The following TSPEAR variants were observed in gnomAD, a reference collection of about 807,000 sequenced individuals.
TSPEAR encodes thrombospondin type laminin G domain and EAR repeats, also known as thrombospondin-type laminin G domain and EAR repeat-containing protein.
A neutral mutation model predicts 71.6 loss-of-function variants in TSPEAR; 69 were observed. The ratio of observed to expected loss-of-function variants is 0.96; its 90% CI spans 0.79 to 1.18. The LOEUF (loss-of-function observed/expected upper bound fraction) is 1.18, where lower values mean the gene tolerates loss of function less well. Among genes scored for constraint, TSPEAR ranks in the 50% most tolerant of loss-of-function variants. The pLI is 0.00. For synonymous variants in TSPEAR, 402 were observed against 387.2 expected (o/e 1.04, Z -0.45); for missense variants, 971 against 894.9 (o/e 1.09, Z -1.09).
intron 2 of TSPEAR, among the ~76,000 whole-genome samples, chr21:44,564,715 A>T (rs1052528641): frequency 6.6e-6 from 1 of 152,182 alleles, no homozygotes; most frequent in African/African-American, 2.4e-5. Flanking sequence ...ATTTCAACAA[A>T]CGGATAGAAT....
At chr21:44,606,596 C>A (rs587698366) in intron 1 of TSPEAR, among the ~76,000 whole-genome samples, 1 of 152,252 alleles carries the variant, frequency 6.6e-6, no homozygotes, top group South Asian at 2.1e-4. Flanking sequence ...GTCTTATTCA[C>A]AATAGCCTAG....
intron 8 of TSPEAR, among the ~76,000 whole-genome samples, chr21:44,524,300 C>T (rs2052801668): frequency 6.6e-6 from 1 of 151,848 alleles, no homozygotes; most frequent in African/African-American, 2.4e-5. Context: ...ATCATTCAGT[C>T]AGTCAGACAG....
intron 9 of TSPEAR, among the ~76,000 whole-genome samples, chr21:44,513,443 GC>G (rs1391670156): frequency 6.6e-6 from 1 of 152,214 alleles, no homozygotes; most frequent in Non-Finnish European, 1.5e-5. Context: ...CACATCAAAG[GC>G]CCTGCCAAAC....
intron 2 of TSPEAR, chr21:44,539,017 G>A (rs1218777341): frequency 5.3e-6 from 3 of 569,888 alleles, no homozygotes; most frequent in Non-Finnish European, 9.3e-6. Context: ...GGAGCAGGAG[G>A]AGGTGCTGAG....
rs1186423808 is a variant in TSPEAR at position 44,687,282 on chromosome 21, C to T, written c.82+24151G>A. On this transcript the variant is annotated intron_variant, in intron 1 of 11. Transcript: ENST00000323084. This position sits in a 1 kb window ranked among gnomAD's most constrained non-coding sequence, Gnocchi z 4.4. ...CTGAAAGCCAGGGCTCCCAGTGACA[C>T]ACTGGGCGCCTGGTGATTACTCAGC... Among the ~76,000 whole-genome samples, 2 of 152,160 alleles carry T rather than the reference C, an allele frequency of 1.3e-5. No individual in the cohort carries two copies. Among genetic ancestry groups the T allele is most frequent in the Non-Finnish European group, 1.5e-5 (1 of 68,022 alleles).
intron 1 of TSPEAR, chr21:44,591,369 G>C (rs150717437): frequency 4.4e-6 from 7 of 1,583,866 alleles, no homozygotes; most frequent in Non-Finnish European, 6.0e-6. Context: ...AAGGGACTCC[G>C]GATCACATCC....
At position 44,522,110 on chromosome 21, in the gene TSPEAR, C is replaced by T. The variant is rs949831951; in HGVS notation, c.1339G>A (p.Asp447Asn). The change falls in exon 9 of 12, where the codon GAC (aspartate) becomes AAC (asparagine). Residue 447 changes from aspartate (D) to asparagine (N), a missense_variant and splice_region_variant. Asp to Asn is a conservative substitution (Grantham distance 23, BLOSUM62 1). Transcript: ENST00000323084. ...FLAVANHREGDNHNIDSVIYK... is the reference protein window; with the variant it reads ...FLAVANHREGNNHNIDSVIYK... ...ATGACACTGTCGATGTTGTGGTTGT[C>T]GCCTGGAACCAAGGGACTGTGCTGG... 1.2e-5 allele frequency: 19 copies of T among 1,613,762 alleles called. No homozygotes were observed. Among genetic ancestry groups the T allele is most frequent in the African/African-American group, 2.7e-5 (2 of 74,896 alleles).
rs1555933885 is a variant in TSPEAR, at chr21:44,623,688, GA to G, written c.83-55684del. Among the ~76,000 whole-genome samples, 2 of 152,198 alleles carry G rather than the reference GA, an allele frequency of 1.3e-5. No individual in the cohort carries two copies. Among genetic ancestry groups the G allele is most frequent in the Non-Finnish European group, 2.9e-5 (2 of 68,030 alleles). On this transcript the variant is annotated intron_variant, in intron 1 of 11. Coordinates refer to ENST00000323084, the MANE Select transcript of TSPEAR (RefSeq NM_144991.3). This position sits in a 1 kb window ranked among gnomAD's most constrained non-coding sequence, Gnocchi z 4.5. ...TTTGAGGATCTTCTTCCCAGGTGTA[GA>G]ATTCTAGCTTGGTGCTTCTTTTCTT...
At chr21:44,601,148 C>T in intron 1 of TSPEAR, 1 of 1,603,480 alleles carries the variant, frequency 6.2e-7, no homozygotes, top group Non-Finnish European at 8.5e-7. Context: ...TGCCAGCAGT[C>T]TAGCTGTGTG....
At chr21:44,613,402 C>T (rs1157978323) in intron 1 of TSPEAR, among the ~76,000 whole-genome samples, 15 of 152,294 alleles carry the variant, frequency 9.8e-5, no homozygotes, top group Non-Finnish European at 1.3e-4. Context: ...CCCCTGTGAC[C>T]GGGTCTTCCT....
At chr21:44,649,301 G>C (rs587648214) in intron 1 of TSPEAR, among the ~76,000 whole-genome samples, 1 of 152,160 alleles carries the variant, frequency 6.6e-6, no homozygotes, top group Non-Finnish European at 1.5e-5. Context: ...GATGAGCAGC[G>C]GTCTGTGGAG....
intron 7 of TSPEAR, 126 bp from the exon 8 acceptor site, chr21:44,525,965 A>C (rs2052847547): frequency 3.3e-6 from 3 of 914,836 alleles, no homozygotes; most frequent in African/African-American, 3.3e-5. Context: ...GCAGGGACAG[A>C]GGACCGAGGC....
chr21:44,643,306 G>A (rs1475613010), intron 1 of TSPEAR, among the ~76,000 whole-genome samples: 1 of 152,188 alleles, frequency 6.6e-6, no homozygotes, highest in African/African-American at 2.4e-5. Context: ...CAGCTGTGCA[G>A]GATGAGTCAG....
intron 2 of TSPEAR, among the ~76,000 whole-genome samples, chr21:44,565,509 T>A (rs1555921631): frequency 3.9e-5 from 6 of 151,938 alleles, no homozygotes. Context: ...AAAAGAAGAG[T>A]TATACACCAT....
At chr21:44,585,975 T>TG (rs1979311404) in intron 1 of TSPEAR, among the ~76,000 whole-genome samples, 1 of 152,208 alleles carries the variant, frequency 6.6e-6, no homozygotes, top group South Asian at 2.1e-4. Context: ...GCTCTCAGGG[T>TG]GGGGCCTTGT....
intron 9 of TSPEAR, among the ~76,000 whole-genome samples, chr21:44,511,680 C>T (rs1357907563): frequency 6.6e-6 from 1 of 152,394 alleles, no homozygotes; most frequent in South Asian, 2.1e-4. Context: ...GCCTCCAGCC[C>T]TGGGCGTCCT....
chr21:44,697,091 C>T, intron 1 of TSPEAR: 5 of 1,519,546 alleles, frequency 3.3e-6, no homozygotes, highest in Non-Finnish European at 4.4e-6. Context: ...TCCCTCCTGC[C>T]CATCCAGCAC....
intron 1 of TSPEAR, among the ~76,000 whole-genome samples, chr21:44,613,823 CT>C (rs1242686725): frequency 6.6e-6 from 1 of 151,988 alleles, no homozygotes; most frequent in African/African-American, 2.4e-5. Context: ...GCCCCTGCCC[CT>C]GAAATGTGTG....
At chr21:44,621,447 G>C (rs587656004) in intron 1 of TSPEAR, among the ~76,000 whole-genome samples, 1 of 152,130 alleles carries the variant, frequency 6.6e-6, no homozygotes, top group Non-Finnish European at 1.5e-5. Context: ...CCCAGCCCCC[G>C]CCGATCAGTC....
Sources: allele counts gnomAD v4.1 joint callset (sites outside exome capture counted in the v4.1 genomes callset), GRCh38; gene constraint gnomAD v4.1.1; non-coding constraint Gnocchi (gnomAD v3.1); transcripts MANE v1.5; gene names NCBI Gene and HGNC (gene_info 2026-07-23, HGNC 2026-07-21).